The following THSD7A variants were observed in gnomAD, a reference collection of about 807,000 sequenced individuals.
THSD7A encodes thrombospondin type-1 domain-containing protein 7A.
Under a neutral mutation model 231.3 loss-of-function variants are expected in THSD7A, and 96 were observed. The observed-to-expected ratio is 0.41, with a 90% confidence interval of 0.35 to 0.49. The LOEUF is 0.49. Ranked by LOEUF, THSD7A falls within the 20% of genes least tolerant of loss-of-function variation. The pLI, the probability that THSD7A is intolerant of heterozygous loss-of-function variation, is 0.05. For synonymous variants in THSD7A, 940 were observed against 743.3 expected (o/e 1.26, Z -4.30); for missense variants, 2,290 against 2,070.2 (o/e 1.11, Z -2.06).
intron 4 of THSD7A, among the ~76,000 whole-genome samples, chr7:11,566,815 G>T (rs1158282711): frequency 6.6e-6 from 1 of 152,156 alleles, no homozygotes; most frequent in East Asian, 1.9e-4. Context: ...GCTTAGAAGA[G>T]TGACACCAGA....
chr7:11,632,790 C>A lies in THSD7A; in HGVS notation c.1022+3340G>T, dbSNP rs1781700834. On this transcript the variant is annotated intron_variant, in intron 2 of 27. Coordinates refer to ENST00000423059, the MANE Select transcript of THSD7A (RefSeq NM_015204.3). The surrounding 1 kb of genome is among the most constrained non-coding windows in gnomAD (Gnocchi z 4.1). ...AGGTCATTATTTCAACTTCTTCTTGCAGAATATTAGTCTTGTACAATTTCG... is the reference window on the plus strand; with the variant it reads ...AGGTCATTATTTCAACTTCTTCTTGAAGAATATTAGTCTTGTACAATTTCG... 1.3e-5 allele frequency among the ~76,000 whole-genome samples: 2 copies of A among 152,146 alleles called. No homozygotes were observed. The highest frequency in any genetic ancestry group is 6.6e-5 in the Admixed American group (1 of 15,260).
intron 6 of THSD7A, among the ~76,000 whole-genome samples, chr7:11,536,223 G>A (rs1029181523): frequency 7.9e-5 from 12 of 152,140 alleles, no homozygotes; most frequent in African/African-American, 2.2e-4. Context: ...GCATATTCTC[G>A]TGGGCCCAGA....
Position 11,590,391 on chromosome 7 carries a change from T to C in THSD7A, c.1453+69A>G. On this transcript the variant is annotated intron_variant, in intron 4 of 27. Coordinates refer to ENST00000423059, the MANE Select transcript of THSD7A (RefSeq NM_015204.3). The surrounding 1 kb of genome is among the most constrained non-coding windows in gnomAD (Gnocchi z 4.4). ...CATAACCTGGATGGCTGTGTATATA[T>C]CCCTTCAGAGCAATCACATGCTCAG... 2.6e-6 allele frequency: 4 copies of C among 1,515,008 alleles called. No homozygotes were observed. Among genetic ancestry groups the C allele is most frequent in the East Asian group, 2.3e-5 (1 of 43,672 alleles). 93.8% of individuals were successfully genotyped at this position (1,515,008 alleles called of 1,614,324 possible). A position where few individuals can be genotyped will look rare whatever the true frequency, so the allele number is the denominator to read the frequency against.
chr7:11,471,902 G>A (rs896003206), intron 8 of THSD7A, among the ~76,000 whole-genome samples: 1 of 152,012 alleles, frequency 6.6e-6, no homozygotes, highest in Non-Finnish European at 1.5e-5. Context: ...GTTCAATAAG[G>A]CAATTTTATA....
chr7:11,680,062 C>T (rs1783808220), intron 1 of THSD7A, among the ~76,000 whole-genome samples: 1 of 150,814 alleles, frequency 6.6e-6, no homozygotes, highest in Non-Finnish European at 1.5e-5. Context: ...ACCATCTGAT[C>T]TTTGACAAAA....
At chr7:11,520,730 C>T (rs1278009509) in intron 6 of THSD7A, among the ~76,000 whole-genome samples, 1 of 152,200 alleles carries the variant, frequency 6.6e-6, no homozygotes, top group African/African-American at 2.4e-5. Flanking sequence ...ATCACTCCAG[C>T]TTTCATTTAT....
At chr7:11,476,320 C>T (rs1240219750) in intron 7 of THSD7A, among the ~76,000 whole-genome samples, 1 of 54,510 alleles carries the variant, frequency 1.8e-5, no homozygotes, top group South Asian at 5.6e-4. Context: ...CTGGAAGATA[C>T]ACACACACAC....
At chr7:11,823,258 G>T (rs1454601965) in intron 1 of THSD7A, among the ~76,000 whole-genome samples, 1 of 151,966 alleles carries the variant, frequency 6.6e-6, no homozygotes, top group Admixed American at 6.6e-5. Flanking sequence ...AGATCAGTTG[G>T]TTTAAAATAT....
intron 4 of THSD7A, among the ~76,000 whole-genome samples, chr7:11,545,701 T>A (rs1353026541): frequency 6.6e-6 from 1 of 152,192 alleles, no homozygotes; most frequent in African/African-American, 2.4e-5. Flanking sequence ...GAATCCTAGC[T>A]GCAGGGGAAC....
At chr7:11,786,352 GGA>G (rs1486917781) in intron 1 of THSD7A, among the ~76,000 whole-genome samples, 6 of 151,926 alleles carry the variant, frequency 3.9e-5, no homozygotes, top group Non-Finnish European at 8.8e-5. Flanking sequence ...AAACCCCTGC[GGA>G]GAGATTCTGT....
rs998623908 is a variant in THSD7A, at chr7:11,461,380, T to C, written c.2502-615A>G. Reference sequence around the variant, plus strand: ...ATTTTGTGATTACATTTTTCATTAATTGATGCCATAATACTTCATTTGCTG... The same window carrying C: ...ATTTTGTGATTACATTTTTCATTAACTGATGCCATAATACTTCATTTGCTG... On this transcript the variant is annotated intron_variant, in intron 10 of 27. Coordinates refer to ENST00000423059, the MANE Select transcript of THSD7A (RefSeq NM_015204.3). Among the ~76,000 whole-genome samples, 12 of 152,354 alleles carry C rather than the reference T, an allele frequency of 7.9e-5. No homozygotes were observed. The South Asian group carries it at 1.7e-3, about 21-fold the overall frequency.
At chr7:11,660,844 C>T (rs1235091764) in intron 1 of THSD7A, among the ~76,000 whole-genome samples, 1 of 151,358 alleles carries the variant, frequency 6.6e-6, no homozygotes, top group African/African-American at 2.4e-5. Flanking sequence ...GACCAAACGT[C>T]CCAAGGAGAA....
intron 1 of THSD7A, among the ~76,000 whole-genome samples, chr7:11,818,541 G>A (rs765740570): frequency 7.2e-5 from 11 of 152,150 alleles, no homozygotes; most frequent in Non-Finnish European, 1.5e-4. Context: ...AACTTACTAG[G>A]GCTTCAGCAC....
intron 23 of THSD7A, among the ~76,000 whole-genome samples, chr7:11,390,185 C>T (rs1295720069): frequency 2.0e-5 from 3 of 152,166 alleles, no homozygotes; most frequent in African/African-American, 7.2e-5. Context: ...GGAAGTTCTC[C>T]TGGATAATAT....
At chr7:11,594,529 GC>G (rs1398942891) in intron 2 of THSD7A, among the ~76,000 whole-genome samples, 6 of 152,220 alleles carry the variant, frequency 3.9e-5, no homozygotes, top group African/African-American at 1.4e-4. Context: ...CAAAATAAAT[GC>G]ATTTGACGCT....
At chr7:11,565,312 G>T (rs1989991) in intron 4 of THSD7A, among the ~76,000 whole-genome samples, 11 of 152,062 alleles carry the variant, frequency 7.2e-5, no homozygotes, top group Non-Finnish European at 1.6e-4. Flanking sequence ...AATCAAAAAA[G>T]TTCTGCAAAC....
chr7:11,706,260 G>A (rs192911209), intron 1 of THSD7A, among the ~76,000 whole-genome samples: 120 of 150,944 alleles, frequency 7.9e-4, no homozygotes, highest in Middle Eastern at 3.4e-3. Flanking sequence ...ATTGTCCCAT[G>A]TCAACCCAAG....
intron 13 of THSD7A, 130 bp downstream of exon 13, chr7:11,445,924 ATGTATAG>A: frequency 9.5e-7 from 1 of 1,057,844 alleles, no homozygotes; most frequent in South Asian, 1.5e-5. Flanking sequence ...TAAATGATAT[ATGTATAG>A]TGTGGTGCTT....
At chr7:11,724,188 A>T (rs1459867145) in intron 1 of THSD7A, among the ~76,000 whole-genome samples, 1 of 151,942 alleles carries the variant, frequency 6.6e-6, no homozygotes, top group Non-Finnish European at 1.5e-5. Flanking sequence ...TTGCCTAAGT[A>T]CATAAAAGAA....
Sources: allele counts gnomAD v4.1 joint callset (sites outside exome capture counted in the v4.1 genomes callset), GRCh38; gene constraint gnomAD v4.1.1; non-coding constraint Gnocchi (gnomAD v3.1); transcripts MANE v1.5; gene names NCBI Gene and HGNC (gene_info 2026-07-23, HGNC 2026-07-21).